The following AP1M1 variants were observed in gnomAD, a reference collection of about 807,000 sequenced individuals.
AP1M1 encodes AP-1 complex subunit mu-1.
A neutral mutation model predicts 57.1 loss-of-function variants in AP1M1; 18 were observed. The observed-to-expected ratio is 0.32, with a 90% CI of 0.22 to 0.47. The LOEUF (loss-of-function observed/expected upper bound fraction) is 0.47, where lower values mean the gene tolerates loss of function less well. Among genes scored for constraint, AP1M1 ranks in the 20% least tolerant of loss-of-function variants. The pLI, the probability that AP1M1 is intolerant of heterozygous loss-of-function variation, is 1.00. For synonymous variants in AP1M1, 241 were observed against 237.9 expected (o/e 1.01, Z -0.12); for missense variants, 362 against 593.5 (o/e 0.61, Z 4.05).
chr19:16,210,911 T>G (rs962455263), intron 5 of AP1M1, among the ~76,000 whole-genome samples: 5 of 152,224 alleles, frequency 3.3e-5, no homozygotes, highest in African/African-American at 1.2e-4. Flanking sequence ...TACATGTTTC[T>G]TTGTCATCTG....
Position 16,244,102 on chromosome 19 carries a change from G to A in AP1M1, c.*9667G>A, listed in dbSNP as rs1350213024. ...GGGAAAAAGGCAAAAGATACTTAAA[G>A]CAGCCAGAGGTAAAGACACATCACC... On this transcript the variant is annotated 3_prime_UTR_variant, in exon 12 of 12. Transcript: ENST00000291439. 1 of 152,204 alleles carries A rather than the reference G, an allele frequency of 6.6e-6. No individual in the cohort carries two copies. Among genetic ancestry groups the A allele is most frequent in the Non-Finnish European group, 1.5e-5 (1 of 68,032 alleles). The allele number at this position is 152,204 out of a possible 1,614,324, so 9.4% of individuals were successfully genotyped here. A position where few individuals can be genotyped will look rare whatever the true frequency, so the allele number is the denominator to read the frequency against.
intron 2 of AP1M1, among the ~76,000 whole-genome samples, chr19:16,205,604 G>C (rs1181469548): frequency 1.3e-5 from 2 of 152,152 alleles, no homozygotes; most frequent in South Asian, 4.1e-4. Context: ...GCCATGAACA[G>C]GGATGTCCAG....
At chr19:16,231,102 C>T (rs550797083) in intron 9 of AP1M1, among the ~76,000 whole-genome samples, 1 of 151,962 alleles carries the variant, frequency 6.6e-6, no homozygotes, top group Admixed American at 6.5e-5. Context: ...TCCTGGCTAA[C>T]ATGGTGAAAC....
rs1204186414 is a variant in AP1M1, at chr19:16,236,337, T to C, written c.*1902T>C. 6.6e-6 allele frequency: 1 copy of C among 151,948 alleles called. No homozygotes were observed. The highest frequency in any genetic ancestry group is 1.9e-4 in the East Asian group (1 of 5,170). The allele number at this position is 151,948 out of a possible 1,614,324, so 9.4% of individuals were successfully genotyped here. On this transcript the variant is annotated 3_prime_UTR_variant, in exon 12 of 12. Coordinates refer to ENST00000291439, the MANE Select transcript of AP1M1 (RefSeq NM_032493.4). ...CCTGCAAACCCTCCACTACAGACTG[T>C]AGAAATGCAGGAAATGAAGCAGACG...
At chr19:16,221,275 C>T (rs12977511) in intron 5 of AP1M1, among the ~76,000 whole-genome samples, 100,235 of 152,190 alleles carry the variant, frequency 0.66, 35,260 homozygotes, top group Non-Finnish European at 0.8. Flanking sequence ...GCTTGTTCCT[C>T]GGTACCACAA....
rs2091615942 is a variant in AP1M1, at chr19:16,234,548, C to CA, written c.*114dup. ...CCTCCCTGGTCTCTGGCCACCCTCC[C>CA]AGCCTCTGCCCAGGGACCCCTGCCT... On this transcript the variant is annotated 3_prime_UTR_variant, in exon 12 of 12. Coordinates refer to ENST00000291439, the MANE Select transcript of AP1M1 (RefSeq NM_032493.4). 7.2e-7 allele frequency: 1 copy of CA among 1,395,334 alleles called. No homozygotes were observed. The highest frequency in any genetic ancestry group is 2.5e-5 in the East Asian group (1 of 40,748). 86.4% of individuals were successfully genotyped at this position (1,395,334 alleles called of 1,614,324 possible).
intron 9 of AP1M1, among the ~76,000 whole-genome samples, chr19:16,231,303 A>AC (rs2145141616): frequency 3.8e-5 from 1 of 26,362 alleles, no homozygotes; most frequent in South Asian, 1.3e-3. Flanking sequence ...AAAAAAAAAA[A>AC]AAAAAAACAC....
In AP1M1 at chr19:16,206,434, G is replaced by A. The variant is rs766118232; in HGVS notation, c.267+26G>A. On this transcript the variant is annotated intron_variant, in intron 3 of 11. Transcript: ENST00000291439. The surrounding 1 kb of genome is among the most constrained non-coding windows in gnomAD (Gnocchi z 4.3). ...GTGAGTCTCGCTCGGAGGGGCCGTG[G>A]GCTTGGGTGGAGGTTGTCTTGGCTC... is the stretch of plus-strand genomic sequence containing the variant. 1 of 1,613,118 alleles carries A rather than the reference G, an allele frequency of 6.2e-7. No homozygotes were observed. The highest frequency in any genetic ancestry group is 1.1e-5 in the South Asian group (1 of 91,068).
rs1190230341 is a variant in AP1M1, at chr19:16,238,429, G to C, written c.*3994G>C. On this transcript the variant is annotated 3_prime_UTR_variant, in exon 12 of 12. Transcript: ENST00000291439. ...ACAGCAGTGAAAATGAATTCAACTA[G>C]AGCAGTGATATGGCTCAGAATACAA... The C allele has an allele frequency of 6.6e-6, 1 of 152,150 alleles. No individual in the cohort carries two copies. The highest frequency in any genetic ancestry group is 1.5e-5 in the Non-Finnish European group (1 of 68,042). The allele number at this position is 152,150 out of a possible 1,614,324, so 9.4% of individuals were successfully genotyped here.
At chr19:16,218,324 C>T (rs1259139748) in intron 5 of AP1M1, among the ~76,000 whole-genome samples, 1 of 152,208 alleles carries the variant, frequency 6.6e-6, no homozygotes, top group Admixed American at 6.5e-5. Flanking sequence ...GGCTCGCCTG[C>T]CCTGCATCAC....
intron 5 of AP1M1, among the ~76,000 whole-genome samples, chr19:16,211,351 C>T (rs574628801): frequency 1.3e-5 from 2 of 152,276 alleles, no homozygotes; most frequent in South Asian, 2.1e-4. Context: ...TCCTCGGCCT[C>T]CCTAAGTGTT....
intron 9 of AP1M1, 125 bp downstream of exon 9, chr19:16,229,053 G>C: frequency 2.6e-6 from 3 of 1,169,114 alleles, no homozygotes; most frequent in Non-Finnish European, 3.6e-6. Context: ...CCACACCTGG[G>C]GCTTCTGAAA....
chr19:16,216,786 A>G (rs2091520793), intron 5 of AP1M1, among the ~76,000 whole-genome samples: 1 of 152,194 alleles, frequency 6.6e-6, no homozygotes, highest in African/African-American at 2.4e-5. Flanking sequence ...TGGCTCCTTC[A>G]GGTTAAGAAC....
At position 16,209,090 on chromosome 19, in the gene AP1M1, C is replaced by A; in HGVS notation, c.459C>A (p.Val153=). The A allele has an allele frequency of 6.2e-7, 1 of 1,614,218 alleles. No homozygotes were observed. Among genetic ancestry groups the A allele is most frequent in the Non-Finnish European group, 8.5e-7 (1 of 1,180,046 alleles). Residue 153 remains valine (V), a synonymous_variant, in exon 5 of 12, where the codon GTC becomes GTA. Transcript: ENST00000291439. ...ETGAPRPPAT[V]TNAVSWRSEG... is the part of the protein sequence containing the mutation. Reference sequence around the variant, plus strand: ...GGGCCCCGCGGCCACCAGCCACCGTCACCAACGCGGTGTCCTGGCGGTCCG... The same window carrying A: ...GGGCCCCGCGGCCACCAGCCACCGTAACCAACGCGGTGTCCTGGCGGTCCG...
chr19:16,201,678 G>A (rs944448853), intron 1 of AP1M1, among the ~76,000 whole-genome samples: 1 of 152,154 alleles, frequency 6.6e-6, no homozygotes, highest in Non-Finnish European at 1.5e-5. Context: ...GATTACAGGC[G>A]TGAGCCACCG....
At position 16,240,030 on chromosome 19, in the gene AP1M1, T is replaced by C. The variant is rs1244882006; in HGVS notation, c.*5595T>C. ...GTCTGTGCTGGACATGTACAGGTTT[T>C]CTTTTTTATTGTCATTATTCCTTAA... is the stretch of plus-strand genomic sequence containing the variant. On this transcript the variant is annotated 3_prime_UTR_variant, in exon 12 of 12. Coordinates refer to ENST00000291439, the MANE Select transcript of AP1M1 (RefSeq NM_032493.4). 6.6e-6 allele frequency: 1 copy of C among 152,240 alleles called. No homozygotes were observed. Among genetic ancestry groups the C allele is most frequent in the Non-Finnish European group, 1.5e-5 (1 of 68,038 alleles). 9.4% of individuals were successfully genotyped at this position (152,240 alleles called of 1,614,324 possible).
chr19:16,221,535 G>A (rs968783329), intron 5 of AP1M1, among the ~76,000 whole-genome samples: 4 of 152,164 alleles, frequency 2.6e-5, no homozygotes, highest in Non-Finnish European at 4.4e-5. Context: ...AAAGGCAAGG[G>A]AGAACAAAGG....
rs1289529276 is a variant in AP1M1, at chr19:16,236,724, G to A, written c.*2289G>A. On this transcript the variant is annotated 3_prime_UTR_variant, in exon 12 of 12. Coordinates refer to ENST00000291439, the MANE Select transcript of AP1M1 (RefSeq NM_032493.4). ...ACCCCACGCTTGTAATATCAATCTG[G>A]TTTGCAGACAACCAGGCCAAGATGT... 1 of 152,198 alleles carries A rather than the reference G, an allele frequency of 6.6e-6. No individual in the cohort carries two copies. The highest frequency in any genetic ancestry group is 1.5e-5 in the Non-Finnish European group (1 of 68,044). The allele number at this position is 152,198 out of a possible 1,614,324, so 9.4% of individuals were successfully genotyped here.
intron 9 of AP1M1, among the ~76,000 whole-genome samples, chr19:16,232,426 TTG>T (rs1369991339): frequency 3.3e-5 from 5 of 152,232 alleles, no homozygotes; most frequent in Non-Finnish European, 5.9e-5. Context: ...TTTTCTTTGT[TTG>T]TGTTTTCCAT....
Sources: gnomAD v4.1 joint callset for allele counts (sites outside exome capture counted in the v4.1 genomes callset) on GRCh38, gnomAD v4.1.1 for gene constraint, Gnocchi (gnomAD v3.1) non-coding constraint, MANE v1.5 for transcripts, NCBI Gene and HGNC (gene_info 2026-07-23, HGNC 2026-07-21) for gene names.